The following PLSCR2 variants were observed in gnomAD, a reference collection of about 807,000 sequenced individuals.
The protein encoded by PLSCR2 is phospholipid scramblase 2.
In PLSCR2, 18 loss-of-function variants were observed where a neutral mutation model predicts 25.3. That is an observed-to-expected ratio of 0.71 (90% CI 0.49 to 1.06). The LOEUF (loss-of-function observed/expected upper bound fraction) is 1.06, where lower values mean the gene tolerates loss of function less well. PLSCR2 is among the 50% of genes least tolerant of loss of function. PLSCR2 has a pLI of 0.00. For synonymous variants in PLSCR2, 88 were observed against 87.3 expected (o/e 1.01, Z -0.04); for missense variants, 243 against 269.5 (o/e 0.90, Z 0.69).
chr3:146,483,135 C>A (rs1207800711), intron 1 of PLSCR2, among the ~76,000 whole-genome samples: 5 of 151,560 alleles, frequency 3.3e-5, no homozygotes. Context: ...CAGCAATCTA[C>A]CCATCTGACA....
At chr3:146,449,939 C>T (rs540513628) in intron 5 of PLSCR2, among the ~76,000 whole-genome samples, 1 of 152,050 alleles carries the variant, frequency 6.6e-6, no homozygotes, top group South Asian at 2.1e-4. Context: ...TGCCTCAAGT[C>T]AAGGGTGTGG....
intron 1 of PLSCR2, among the ~76,000 whole-genome samples, chr3:146,488,862 G>C (rs778947456): frequency 6.6e-6 from 1 of 151,958 alleles, no homozygotes; most frequent in Non-Finnish European, 1.5e-5. Context: ...AAAGATAAAC[G>C]CACATGTATG....
intron 2 of PLSCR2, among the ~76,000 whole-genome samples, chr3:146,410,775 CTGTT>C (rs2038820384): frequency 6.6e-6 from 1 of 152,140 alleles, no homozygotes; most frequent in Non-Finnish European, 1.5e-5. Context: ...AACAGTTTTC[CTGTT>C]TATTTTTTAT....
chr3:146,492,425 TA>T (rs1050858996), intron 1 of PLSCR2, among the ~76,000 whole-genome samples: 3 of 151,128 alleles, frequency 2.0e-5, no homozygotes, highest in Admixed American at 6.6e-5. Flanking sequence ...ACAAAAAATT[TA>T]AAAAAAAATC....
chr3:146,439,926 A>G (rs193039165), downstream of PLSCR2, among the ~76,000 whole-genome samples: 154 of 152,220 alleles, frequency 1.0e-3, no homozygotes, highest in African/African-American at 3.4e-3. Context: ...TTGGTCTTTG[A>G]TGATGGTGAC....
intron 2 of PLSCR2, among the ~76,000 whole-genome samples, chr3:146,424,915 G>A (rs768562827): frequency 2.2e-5 from 1 of 44,582 alleles, no homozygotes; most frequent in Non-Finnish European, 5.1e-5. Flanking sequence ...ATAAAGAGAA[G>A]ACATAAAGTG....
chr3:146,478,412 G>A lies in PLSCR2; in HGVS notation c.-293+17483C>T, dbSNP rs114754412. ...GAAAACCCTAAATGAACTGATGGAG[G>A]TAAAAACCATGGCATGAGAACTTCA... On this transcript the variant is annotated intron_variant, in intron 1 of 8. Transcript: ENST00000336685. 3.4e-3 allele frequency among the ~76,000 whole-genome samples: 511 copies of A among 152,160 alleles called. 5 individuals are homozygous for A. Among genetic ancestry groups the A allele is most frequent in the African/African-American group, 0.012 (492 of 41,512 alleles).
At chr3:146,449,102 C>A in intron 6 of PLSCR2, 104 bp downstream of exon 6, 2 of 859,180 alleles carry the variant, frequency 2.3e-6, no homozygotes, top group East Asian at 2.6e-5. Flanking sequence ...TTTATAAAAC[C>A]TTTACACTTT....
At chr3:146,454,068 T>G (rs748939642) in exon 5 of PLSCR2, 1 of 1,610,684 alleles carries the variant, frequency 6.2e-7, no homozygotes. Context: ...GTACATCCTC[T>G]CTTTTCTGAT....
In PLSCR2 at chr3:146,410,212, C is replaced by T. The variant is rs574015746; in HGVS notation, c.101-14291G>A. On this transcript the variant is annotated intron_variant and NMD_transcript_variant, in intron 2 of 3. Coordinates refer to the PLSCR2 transcript ENST00000463633. ...GCAGGGGCGAGGAGGAAAAGGACTA[C>T]TTGGATCATCCTTAAGATGAGAGAG... Among the ~76,000 whole-genome samples, 7 of 152,092 alleles carry T rather than the reference C, an allele frequency of 4.6e-5. No homozygotes were observed. The East Asian group carries it at 1.4e-3, about 29-fold the overall frequency.
chr3:146,439,346 C>G (rs2040092393), downstream of PLSCR2, among the ~76,000 whole-genome samples: 1 of 152,208 alleles, frequency 6.6e-6, no homozygotes. Context: ...GGGAAGTTCT[C>G]CTGGATAATA....
At chr3:146,410,290 T>C (rs898832230) in intron 2 of PLSCR2, among the ~76,000 whole-genome samples, 1 of 152,130 alleles carries the variant, frequency 6.6e-6, no homozygotes, top group Admixed American at 6.5e-5. Context: ...AGTATGGGTG[T>C]AAGTTTCCTT....
At chr3:146,435,728 T>C (rs1367506797) in intron 8 of PLSCR2, among the ~76,000 whole-genome samples, 1 of 152,228 alleles carries the variant, frequency 6.6e-6, no homozygotes, top group Non-Finnish European at 1.5e-5. Context: ...AGGTTGCCTG[T>C]TCACTCTGAT....
chr3:146,401,924 T>TA (rs915049356), intron 2 of PLSCR2, among the ~76,000 whole-genome samples: 5 of 151,698 alleles, frequency 3.3e-5, no homozygotes, highest in African/African-American at 4.8e-5. Flanking sequence ...ATAGTAGAAA[T>TA]AAAAAAAATT....
At position 146,480,762 on chromosome 3, in the gene PLSCR2, T is replaced by G. The variant is rs928487830; in HGVS notation, c.-293+15133A>C. 7.9e-5 allele frequency among the ~76,000 whole-genome samples: 12 copies of G among 152,170 alleles called. No individual in the cohort carries two copies. The South Asian group carries it at 8.3e-4, about 11-fold the overall frequency. On this transcript the variant is annotated intron_variant, in intron 1 of 8. Transcript: ENST00000336685. ...GCCAGCATCATCCTAATACCAAAGC[T>G]TGGCAGAGACACAACAAAAAAAGAA...
intron 3 of PLSCR2, among the ~76,000 whole-genome samples, chr3:146,458,200 C>T (rs1049144817): frequency 2.6e-5 from 4 of 152,066 alleles, no homozygotes; most frequent in Non-Finnish European, 5.9e-5. Context: ...GTAGAACCCA[C>T]GGATAGGAAG....
chr3:146,481,943 G>A (rs2043145381), intron 1 of PLSCR2, among the ~76,000 whole-genome samples: 2 of 151,628 alleles, frequency 1.3e-5, no homozygotes, highest in Admixed American at 1.3e-4. Flanking sequence ...ACAACCATCT[G>A]ATTGACAAAC....
At chr3:146,422,196 G>A (rs955067498) in intron 2 of PLSCR2, among the ~76,000 whole-genome samples, 2 of 152,066 alleles carry the variant, frequency 1.3e-5, no homozygotes, top group African/African-American at 2.4e-5. Flanking sequence ...AGAAGTCAGA[G>A]TGTGATCTGG....
chr3:146,479,878 C>G (rs1170140711), intron 1 of PLSCR2, among the ~76,000 whole-genome samples: 2 of 152,158 alleles, frequency 1.3e-5, no homozygotes, highest in Admixed American at 1.3e-4. Context: ...GAAATAACAA[C>G]CAACTGTCTC....
Sources: allele counts gnomAD v4.1 joint callset (sites outside exome capture counted in the v4.1 genomes callset), GRCh38; gene constraint gnomAD v4.1.1; transcripts MANE v1.5; gene names NCBI Gene and HGNC (gene_info 2026-07-23, HGNC 2026-07-21).